Variants in STARD10 observed in about 807,000 individuals in gnomAD.
STARD10 encodes the protein START domain-containing protein 10.
Under a neutral mutation model 36.0 loss-of-function variants are expected in STARD10, and 24 were observed. The ratio of observed to expected loss-of-function variants is 0.67; its 90% CI spans 0.48 to 0.94. The LOEUF (loss-of-function observed/expected upper bound fraction) is 0.94. STARD10 is among the 40% of genes least tolerant of loss of function. The pLI is 0.00. For missense variants in STARD10, 335 were observed against 396.6 expected (o/e 0.84, Z 1.32); for synonymous variants, 156 against 161.9 (o/e 0.96, Z 0.28).
At chr11:72,771,321 G>A (rs1380955899) in intron 2 of STARD10, among the ~76,000 whole-genome samples, 3 of 152,172 alleles carry the variant, frequency 2.0e-5, no homozygotes, top group Non-Finnish European at 2.9e-5. Context: ...TGTTGGGGCT[G>A]GCTTGCCTAG....
chr11:72,763,206 C>T (rs1316288449), intron 2 of STARD10, among the ~76,000 whole-genome samples: 2 of 152,126 alleles, frequency 1.3e-5, no homozygotes, highest in East Asian at 3.8e-4. Context: ...GCATATTAAA[C>T]TCAATAATGA....
intron 2 of STARD10, among the ~76,000 whole-genome samples, chr11:72,762,772 C>A (rs1304097386): frequency 6.6e-6 from 1 of 152,118 alleles, no homozygotes; most frequent in African/African-American, 2.4e-5. Context: ...TTGCCAAGTG[C>A]CCCTGGCAGA....
intron 2 of STARD10, among the ~76,000 whole-genome samples, chr11:72,762,999 C>A (rs1012297246): frequency 2.0e-5 from 3 of 152,194 alleles, no homozygotes; most frequent in Non-Finnish European, 4.4e-5. Context: ...TAAGCAAATA[C>A]TCAAAGAATG....
chr11:72,789,374 G>A (rs1859113966), intron 1 of STARD10, among the ~76,000 whole-genome samples: 1 of 152,304 alleles, frequency 6.6e-6, no homozygotes, highest in East Asian at 1.9e-4. Context: ...TCAGTCTGGA[G>A]GCAATGATTT....
chr11:72,760,951 A>G (rs897925693), intron 2 of STARD10, among the ~76,000 whole-genome samples: 1 of 152,176 alleles, frequency 6.6e-6, no homozygotes, highest in East Asian at 1.9e-4. Flanking sequence ...GAACCCTCAC[A>G]TAATACTTTT....
chr11:72,775,052 G>A (rs1591268682), intron 2 of STARD10, among the ~76,000 whole-genome samples: 1 of 152,166 alleles, frequency 6.6e-6, no homozygotes, highest in African/African-American at 2.4e-5. Context: ...CAGCCTGGAG[G>A]CACCCTCCAC....
chr11:72,759,442 C>G lies in STARD10; in HGVS notation c.208-61G>C, dbSNP rs1028879212. ...GGGGCTCAGAGCCTTGGCCAGGGGACCAGAAGGCAGACAGGCAGAGGGGGA... is the reference window on the plus strand; with the variant it reads ...GGGGCTCAGAGCCTTGGCCAGGGGAGCAGAAGGCAGACAGGCAGAGGGGGA... On this transcript the variant is annotated intron_variant, in intron 2 of 6. Coordinates refer to ENST00000334805, the MANE Select transcript of STARD10 (RefSeq NM_006645.3). 4 of 1,595,372 alleles carry G rather than the reference C, an allele frequency of 2.5e-6. No homozygotes were observed. In the South Asian group the frequency reaches 4.4e-5, roughly 18 times the overall value.
chr11:72,777,187 G>C (rs1333037827), intron 2 of STARD10, among the ~76,000 whole-genome samples: 2 of 152,280 alleles, frequency 1.3e-5, no homozygotes, highest in African/African-American at 4.8e-5. Flanking sequence ...GAGGAGATAC[G>C]CAGGTCTCCC....
chr11:72,784,443 A>G (rs115338665), intron 1 of STARD10, among the ~76,000 whole-genome samples: 2,862 of 152,260 alleles, frequency 0.019, 99 homozygotes, highest in African/African-American at 0.065. Flanking sequence ...CAGGGAAAAG[A>G]GTTGTATATG....
intron 2 of STARD10, among the ~76,000 whole-genome samples, chr11:72,771,934 T>C (rs1178229088): frequency 6.6e-6 from 1 of 152,064 alleles, no homozygotes; most frequent in Non-Finnish European, 1.5e-5. Flanking sequence ...ACTTCAGACA[T>C]CAAGACAGGC....
At chr11:72,766,656 C>T (rs1858795544) in intron 2 of STARD10, among the ~76,000 whole-genome samples, 1 of 152,084 alleles carries the variant, frequency 6.6e-6, no homozygotes, top group African/African-American at 2.4e-5. Context: ...GATGTCTTGC[C>T]AGTGCTGAGC....
chr11:72,793,893 A>T lies in STARD10; in HGVS notation c.-1132T>A, dbSNP rs1267404223. On this transcript the variant is annotated 5_prime_UTR_variant, in exon 1 of 7. Transcript: ENST00000334805. ...GCCTCTGTCGGCTCCACTTTGGTTGAGACGTCTCCACAGCCCAACAACGGC... is the reference window on the plus strand; with the variant it reads ...GCCTCTGTCGGCTCCACTTTGGTTGTGACGTCTCCACAGCCCAACAACGGC... 6.6e-6 allele frequency: 1 copy of T among 152,202 alleles called. No homozygotes were observed. Among genetic ancestry groups the T allele is most frequent in the Non-Finnish European group, 1.5e-5 (1 of 68,034 alleles). The allele number at this position is 152,202 out of a possible 1,614,324, so 9.4% of individuals were successfully genotyped here.
At chr11:72,761,917 CTTTTTTTTT>C (rs1189000490) in intron 2 of STARD10, among the ~76,000 whole-genome samples, 3 of 37,472 alleles carry the variant, frequency 8.0e-5, no homozygotes, top group South Asian at 1.2e-3. Context: ...CTTTTCTTTT[CTTTTTTTTT>C]TTTTTTTTTT....
intron 5 of STARD10, among the ~76,000 whole-genome samples, chr11:72,756,365 C>T (rs1591262352): frequency 1.3e-5 from 2 of 152,108 alleles, no homozygotes; most frequent in East Asian, 3.9e-4. Context: ...TCAAGGCTTC[C>T]CCATCCTCTA....
chr11:72,754,860 G>C lies in STARD10; in HGVS notation c.*37C>G. On this transcript the variant is annotated 3_prime_UTR_variant, in exon 7 of 7. Coordinates refer to ENST00000334805, the MANE Select transcript of STARD10 (RefSeq NM_006645.3). ...AGGAGCGGCCGCCGCCCCAGGGCTC[G>C]CCCGGTCCTGTCTCCGTCCCTGAAG... 6.4e-7 allele frequency: 1 copy of C among 1,570,986 alleles called. No homozygotes were observed. Among genetic ancestry groups the C allele is most frequent in the Non-Finnish European group, 8.6e-7 (1 of 1,169,068 alleles).
rs1460423687 is a variant in STARD10 at position 72,781,315 on chromosome 11, C to A, written c.-113-21G>T. On this transcript the variant is annotated intron_variant, in intron 1 of 6. Coordinates refer to ENST00000334805, the MANE Select transcript of STARD10 (RefSeq NM_006645.3). The surrounding 1 kb of genome is among the most constrained non-coding windows in gnomAD (Gnocchi z 4.7). ...GGGACCTGCAAGACCGGTTTGGGGA[C>A]GGGAATCAGTGCGCTGGGGGCGCGG... The A allele has an allele frequency of 1.8e-5, 13 of 740,508 alleles. No individual in the cohort carries two copies. The highest frequency in any genetic ancestry group is 2.9e-5 in the Non-Finnish European group (13 of 456,114). 45.9% of individuals were successfully genotyped at this position (740,508 alleles called of 1,614,324 possible).
At chr11:72,787,971 A>G (rs1280244672) in intron 1 of STARD10, among the ~76,000 whole-genome samples, 1 of 152,164 alleles carries the variant, frequency 6.6e-6, no homozygotes, top group African/African-American at 2.4e-5. Context: ...GGGAGGGCTC[A>G]GGGACACCGT....
Position 72,793,489 on chromosome 11 carries a change from A to C in STARD10, c.-728T>G, listed in dbSNP as rs893592745. ...ATCCTTCCCTGGTCCTTTACTCTCTATGATGCTGGAAATCTGCCTGACTTC... is the reference window on the plus strand; with the variant it reads ...ATCCTTCCCTGGTCCTTTACTCTCTCTGATGCTGGAAATCTGCCTGACTTC... On this transcript the variant is annotated 5_prime_UTR_variant, in exon 1 of 7. Transcript: ENST00000334805. 2.0e-5 allele frequency: 3 copies of C among 152,192 alleles called. No homozygotes were observed. Among genetic ancestry groups the C allele is most frequent in the Non-Finnish European group, 4.4e-5 (3 of 68,044 alleles). 9.4% of individuals were successfully genotyped at this position (152,192 alleles called of 1,614,324 possible).
At chr11:72,789,984 G>A (rs1406946217) in intron 1 of STARD10, among the ~76,000 whole-genome samples, 1 of 152,186 alleles carries the variant, frequency 6.6e-6, no homozygotes, top group Non-Finnish European at 1.5e-5. Context: ...CTCCAGGAAT[G>A]TGCTCCCACA....
Sources: gnomAD v4.1 joint callset for allele counts (sites outside exome capture counted in the v4.1 genomes callset) on GRCh38, gnomAD v4.1.1 for gene constraint, Gnocchi (gnomAD v3.1) non-coding constraint, MANE v1.5 for transcripts, NCBI Gene and HGNC (gene_info 2026-07-23, HGNC 2026-07-21) for gene names.